Variants in BPI observed in about 807,000 individuals in gnomAD.
BPI encodes bactericidal permeability-increasing protein.
In BPI, 48 loss-of-function variants were observed where a neutral mutation model predicts 57.6. The ratio of observed to expected loss-of-function variants is 0.83; its 90% CI spans 0.66 to 1.06. BPI has a LOEUF of 1.06. Ranked by LOEUF, BPI falls within the 50% of genes least tolerant of loss-of-function variation. The probability of loss-of-function intolerance (pLI) is 0.00; values close to 1 mark genes in which losing one functional copy is unlikely to be tolerated. For missense variants in BPI, 651 were observed against 609.7 expected (o/e 1.07, Z -0.71); for synonymous variants, 237 against 238.2 (o/e 0.99, Z 0.05).
Position 38,335,704 on chromosome 20 carries a change from C to G in BPI, c.1413+30C>G, listed in dbSNP as rs771369318. On this transcript the variant is annotated intron_variant, in intron 14 of 14. Coordinates refer to ENST00000642449, the MANE Select transcript of BPI (RefSeq NM_001725.3). ...GTCCCGGAGTCTTTTCCACAAATCT[C>G]CCCTAACGATAGTGACCAACAGCAG... 7 of 1,602,780 alleles carry G rather than the reference C, an allele frequency of 4.4e-6. No individual in the cohort carries two copies. In the Admixed American group the frequency reaches 1.2e-4, roughly 27 times the overall value.
intron 9 of BPI, 111 bp from the exon 10 acceptor site, chr20:38,326,154 A>G: frequency 1.8e-6 from 2 of 1,136,500 alleles, no homozygotes; most frequent in South Asian, 3.2e-5. Flanking sequence ...TTATTCTAAG[A>G]GCAATGGGAA....
intron 7 of BPI, among the ~76,000 whole-genome samples, chr20:38,322,692 C>A (rs913316525): frequency 1.3e-5 from 2 of 152,218 alleles, no homozygotes; most frequent in African/African-American, 4.8e-5. Context: ...CTCATTGCAA[C>A]CTCTGCCTCC....
At position 38,307,635 on chromosome 20, in the gene BPI, A is replaced by C. The variant is rs1270150065; in HGVS notation, c.199A>C (p.Ser67Arg). The C allele has an allele frequency of 6.2e-7, 1 of 1,612,146 alleles. No individual in the cohort carries two copies. Among genetic ancestry groups the C allele is most frequent in the African/African-American group, 1.3e-5 (1 of 74,822 alleles). ...KRIKIPDYSD[S>R]FKIKHLGKGH... ...GATCAAGATTCCTGACTACTCAGAC[A>C]GCTTTAAGATCAAGCATCTTGGGAA... Residue 67 changes from serine (S) to arginine (R), a missense_variant, in exon 2 of 15, where the codon AGC becomes CGC. Transcript: ENST00000642449.
intron 9 of BPI, among the ~76,000 whole-genome samples, chr20:38,325,496 G>A (rs1311501109): frequency 6.6e-6 from 1 of 152,150 alleles, no homozygotes; most frequent in Non-Finnish European, 1.5e-5. Context: ...GGTGGCGGGT[G>A]GGAGAGAGCT....
intron 9 of BPI, 24 bp from the exon 10 acceptor site, chr20:38,326,241 G>C (rs1462237253): frequency 2.5e-6 from 4 of 1,593,748 alleles, no homozygotes; most frequent in Non-Finnish European, 3.4e-6. Flanking sequence ...TCCTTTCGTT[G>C]ATTGTCTCCA....
At chr20:38,335,919 C>T (rs923758462) in intron 14 of BPI, among the ~76,000 whole-genome samples, 2 of 152,208 alleles carry the variant, frequency 1.3e-5, no homozygotes, top group South Asian at 2.1e-4. Flanking sequence ...ATCGTTCCCA[C>T]GCTACACTCG....
intron 9 of BPI, among the ~76,000 whole-genome samples, chr20:38,325,435 T>C (rs73285037): frequency 0.026 from 3,917 of 152,300 alleles, 165 homozygotes; most frequent in African/African-American, 0.088. Flanking sequence ...TCCTGGCTTG[T>C]AGACTGCCTC....
At chr20:38,319,413 T>C (rs1223209764) in intron 6 of BPI, among the ~76,000 whole-genome samples, 2 of 152,222 alleles carry the variant, frequency 1.3e-5, no homozygotes, top group Non-Finnish European at 1.5e-5. Context: ...TACCTTGCTG[T>C]AAAGCCTGGC....
chr20:38,325,915 A>T (rs2076710441), intron 9 of BPI, among the ~76,000 whole-genome samples: 1 of 152,210 alleles, frequency 6.6e-6, no homozygotes, highest in Admixed American at 6.5e-5. Flanking sequence ...TGTCTGAGAA[A>T]GTAACATCTG....
At chr20:38,320,479 C>G (rs976910994) in intron 7 of BPI, among the ~76,000 whole-genome samples, 2 of 152,002 alleles carry the variant, frequency 1.3e-5, no homozygotes, top group Admixed American at 6.6e-5. Context: ...GCCCCACCCC[C>G]CTCCAAAGGC....
At chr20:38,318,588 G>A (rs1296508548) in intron 6 of BPI, 112 bp downstream of exon 6, 18 of 1,140,374 alleles carry the variant, frequency 1.6e-5, no homozygotes, top group Non-Finnish European at 2.4e-5. Flanking sequence ...CTGGGCCTGG[G>A]TGGGAATGAG....
At position 38,327,572 on chromosome 20, in the gene BPI, G is replaced by T. The variant is rs778693174; in HGVS notation, c.1162-16G>T. The T allele has an allele frequency of 6.2e-7, 1 of 1,612,392 alleles. No individual in the cohort carries two copies. The highest frequency in any genetic ancestry group is 1.7e-5 in the Admixed American group (1 of 59,988). The stretch of plus-strand genomic sequence containing the variant: ...CCTGGGTCAGGGCACTTCACCCTGG[G>T]TTGTTGTTTTGGCAGCACACAACTG... On this transcript the variant is annotated splice_polypyrimidine_tract_variant and intron_variant, in intron 10 of 14. Coordinates refer to ENST00000642449, the MANE Select transcript of BPI (RefSeq NM_001725.3).
At chr20:38,329,076 TC>T (rs2076729127) in intron 11 of BPI, among the ~76,000 whole-genome samples, 1 of 151,596 alleles carries the variant, frequency 6.6e-6, no homozygotes, top group African/African-American at 2.4e-5. Flanking sequence ...AAAGGGAGTT[TC>T]AGACATAGAG....
At chr20:38,337,046 G>A (rs1157549967) in intron 14 of BPI, 100 bp from the exon 15 acceptor site, 4 of 1,258,864 alleles carry the variant, frequency 3.2e-6, no homozygotes, top group East Asian at 2.5e-5. Context: ...CTTCCTAAGA[G>A]GCAGGCTCCC....
intron 10 of BPI, 115 bp from the exon 11 acceptor site, chr20:38,327,473 C>G: frequency 8.8e-7 from 1 of 1,140,534 alleles, no homozygotes. Context: ...TGGGCCTGAC[C>G]CCACAGTGTA....
Position 38,332,936 on chromosome 20 carries a change from A to G in BPI, c.1273-1494A>G, listed in dbSNP as rs182947550. Among the ~76,000 whole-genome samples, 9 of 152,214 alleles carry G rather than the reference A, an allele frequency of 5.9e-5. No homozygotes were observed. In the East Asian group the frequency reaches 1.4e-3, roughly 23 times the overall value. ...CTGATCCTGTCCAGCGTCTTGCTAC[A>G]TTGACCTGAATCTCCTGGTGGGCTC... On this transcript the variant is annotated intron_variant, in intron 12 of 14. Transcript: ENST00000642449.
rs1382568629 is a variant in BPI, at chr20:38,307,677, T to C, written c.241T>C (p.Tyr81His). 2.9e-5 allele frequency: 46 copies of C among 1,608,022 alleles called. No individual in the cohort carries two copies. Among genetic ancestry groups the C allele is most frequent in the Non-Finnish European group, 3.9e-5 (46 of 1,176,036 alleles). Reference sequence around the variant, plus strand: ...TCTTGGGAAGGGGCATTATAGCTTCTACAGGTGAGGCCTATCAGAGCTCAA... The same window carrying C: ...TCTTGGGAAGGGGCATTATAGCTTCCACAGGTGAGGCCTATCAGAGCTCAA... ...KHLGKGHYSF[Y>H]SMDIREFQLP... The change falls in exon 2 of 15, where the codon TAC (tyrosine) becomes CAC (histidine). Residue 81 changes from tyrosine to histidine, a missense_variant. Physicochemically the swap from Tyr to His is moderately conservative, Grantham distance 83. Transcript: ENST00000642449.
chr20:38,334,343 G>A lies in BPI; in HGVS notation c.1273-87G>A, dbSNP rs1392204151. The A allele has an allele frequency of 3.4e-5, 44 of 1,287,652 alleles. No homozygotes were observed. In the East Asian group the frequency reaches 1.0e-3, roughly 30 times the overall value. 79.8% of individuals were successfully genotyped at this position (1,287,652 alleles called of 1,614,324 possible). A position where few individuals can be genotyped will look rare whatever the true frequency, so the allele number is the denominator to read the frequency against. On this transcript the variant is annotated intron_variant, in intron 12 of 14. Coordinates refer to ENST00000642449, the MANE Select transcript of BPI (RefSeq NM_001725.3). ...CTGAGCAGCGCTAGGGGAAAGGAGGGTGACAGAGGTGGGGTGATGAGGACT... is the reference window on the plus strand; with the variant it reads ...CTGAGCAGCGCTAGGGGAAAGGAGGATGACAGAGGTGGGGTGATGAGGACT...
At chr20:38,320,086 G>A in intron 6 of BPI, 97 bp from the exon 7 acceptor site, 1 of 1,057,618 alleles carries the variant, frequency 9.5e-7, no homozygotes, top group East Asian at 2.4e-5. Flanking sequence ...TTGCACTGCA[G>A]CTCTTGATTC....
Sources: gnomAD v4.1 joint callset for allele counts (sites outside exome capture counted in the v4.1 genomes callset) on GRCh38, gnomAD v4.1.1 for gene constraint, MANE v1.5 for transcripts, NCBI Gene and HGNC (gene_info 2026-07-23, HGNC 2026-07-21) for gene names.